Variants in ASPM observed in about 807,000 individuals in gnomAD.
ASPM encodes assembly factor for spindle microtubules.
Under a neutral mutation model 366.4 loss-of-function variants are expected in ASPM, and 256 were observed. The ratio of observed to expected loss-of-function variants is 0.70; its 90% CI spans 0.63 to 0.77. The LOEUF (loss-of-function observed/expected upper bound fraction) is 0.77, where lower values mean the gene tolerates loss of function less well. Ranked by LOEUF, ASPM falls within the 30% of genes least tolerant of loss-of-function variation. ASPM has a pLI of 0.00. For synonymous variants in ASPM, 1,414 were observed against 1,342.9 expected (o/e 1.05, Z -1.16); for missense variants, 4,146 against 4,090.4 (o/e 1.01, Z -0.37).
chr1:197,144,104 T>C lies in ASPM; in HGVS notation c.298-4A>G. ...AAATAACAATTTTCTCTTTAGGCTA[T>C]AATCAAAACAATACATTATATAATT... On this transcript the variant is annotated splice_region_variant and splice_polypyrimidine_tract_variant and intron_variant, in intron 1 of 27. Coordinates refer to ENST00000367409, the MANE Select transcript of ASPM (RefSeq NM_018136.5). 2.5e-6 allele frequency: 4 copies of C among 1,585,634 alleles called. No individual in the cohort carries two copies. The highest frequency in any genetic ancestry group is 3.5e-6 in the Non-Finnish European group (4 of 1,154,746).
At chr1:197,092,619 T>G (rs1656819807) in intron 21 of ASPM, among the ~76,000 whole-genome samples, 1 of 151,938 alleles carries the variant, frequency 6.6e-6, no homozygotes, top group Non-Finnish European at 1.5e-5. Flanking sequence ...ATTGTAAGCT[T>G]GAATATCATG....
chr1:197,089,760 G>A (rs1266789974), intron 25 of ASPM, among the ~76,000 whole-genome samples, 170 bp downstream of exon 25: 2 of 151,636 alleles, frequency 1.3e-5, no homozygotes, highest in African/African-American at 2.4e-5. Context: ...TATAAAAATT[G>A]GTACTTAAAT....
intron 26 of ASPM, among the ~76,000 whole-genome samples, chr1:197,087,917 C>T (rs1419260150): frequency 2.0e-5 from 3 of 152,100 alleles, no homozygotes; most frequent in Admixed American, 2.0e-4. Context: ...GAGGTCTCAT[C>T]GTAGAAAAGC....
In ASPM at chr1:197,144,113, C is replaced by T. The variant is rs1265407616; in HGVS notation, c.298-13G>A. On this transcript the variant is annotated splice_polypyrimidine_tract_variant and intron_variant, in intron 1 of 27. Coordinates refer to ENST00000367409, the MANE Select transcript of ASPM (RefSeq NM_018136.5). ...TTTTCTCTTTAGGCTATAATCAAAA[C>T]AATACATTATATAATTACAATAGTA... 6.4e-7 allele frequency: 1 copy of T among 1,555,554 alleles called. No homozygotes were observed. Among genetic ancestry groups the T allele is most frequent in the South Asian group, 1.1e-5 (1 of 89,588 alleles).
At position 197,090,402 on chromosome 1, in the gene ASPM, AAC is replaced by A; in HGVS notation, c.9637-16_9637-15del. ...TCTCCATAATGCCTTAAAGAGATAA[AAC>A]AGAGTAATTTTAAGATTATAGCCAA... is the stretch of plus-strand genomic sequence containing the variant. On this transcript the variant is annotated splice_polypyrimidine_tract_variant and intron_variant, in intron 23 of 27. Transcript: ENST00000367409. 1 of 1,576,410 alleles carries A rather than the reference AAC, an allele frequency of 6.3e-7. No individual in the cohort carries two copies. The highest frequency in any genetic ancestry group is 8.7e-7 in the Non-Finnish European group (1 of 1,152,392).
rs745706821 is a variant in ASPM at position 197,090,373 on chromosome 1, A to G, written c.9652T>C (p.Tyr3218His). Residue 3218 changes from tyrosine (Y) to histidine (H), a missense_variant, in exon 24 of 28, where the codon TAT becomes CAT. Physicochemically the swap from Tyr to His is moderately conservative, Grantham distance 83. Transcript: ENST00000367409. ...CAATCATTTTTCTTCCTCCAAGAAT[A>G]GCCTCTCCATAATGCCTTAAAGAGA... is the stretch of plus-strand genomic sequence containing the variant. ...IIKIQALWRGYSWRKKNDCTK... is the reference protein window; with the variant it reads ...IIKIQALWRGHSWRKKNDCTK... 7 of 1,609,556 alleles carry G rather than the reference A, an allele frequency of 4.3e-6. No individual in the cohort carries two copies. In the Admixed American group the frequency reaches 1.0e-4, roughly 23 times the overall value.
Position 197,090,091 on chromosome 1 carries a change from G to GAA in ASPM, c.9830-9_9830-8dup. The GAA allele has an allele frequency of 6.7e-7, 1 of 1,489,896 alleles. No homozygotes were observed. The allele number at this position is 1,489,896 out of a possible 1,614,324, so 92.3% of individuals were successfully genotyped here. ...GACAATCTAGTAACTACCTCTGAAA[G>GAA]AAAAAAAAAACACACACACACAGGT... On this transcript the variant is annotated splice_polypyrimidine_tract_variant and splice_region_variant and intron_variant, in intron 24 of 27. Transcript: ENST00000367409.
In ASPM at chr1:197,104,707, A is replaced by G. The variant is rs753862007; in HGVS notation, c.4544T>C (p.Leu1515Pro). The part of the protein sequence containing the change: ...KLYKRRKESI[L>P]TIQKYYKAYL... ...TGCTTTGTAGTACTTCTGGATGGTT[A>G]GTATGGACTCTTTTCTTCTTTTATA... The change falls in exon 18 of 28, where the codon CTA (leucine) becomes CCA (proline). Residue 1515 changes from leucine to proline, a missense_variant. Leu to Pro is a moderately conservative substitution (Grantham distance 98). Coordinates refer to ENST00000367409, the MANE Select transcript of ASPM (RefSeq NM_018136.5). 4.3e-6 allele frequency: 7 copies of G among 1,612,416 alleles called. No homozygotes were observed. The Admixed American group carries it at 1.0e-4, about 23-fold the overall frequency.
chr1:197,143,187 T>C lies in ASPM; in HGVS notation c.1065A>G (p.Ser355=). The C allele has an allele frequency of 6.2e-7, 1 of 1,613,562 alleles. No individual in the cohort carries two copies. The highest frequency in any genetic ancestry group is 1.1e-5 in the South Asian group (1 of 91,034). The part of the protein sequence containing the change: ...KDNSQPVHLE[S]TIAHEIYQKI... The stretch of plus-strand genomic sequence containing the variant: ...TCTGATAAATTTCATGTGCAATTGT[T>C]GATTCCAAATGCACAGGCTGTGAAT... The change falls in exon 3 of 28, where the codon TCA becomes TCG. Residue 355 remains serine, a synonymous_variant. Transcript: ENST00000367409.
chr1:197,124,948 T>C lies in ASPM; in HGVS notation c.3090A>G (p.Thr1030=), dbSNP rs144559326. 90 of 1,611,090 alleles carry C rather than the reference T, an allele frequency of 5.6e-5. No individual in the cohort carries two copies. The African/African-American group carries it at 6.4e-4, about 11-fold the overall frequency. ...GIELSDEHGN[T]ILSKDIVDRH... ...TATCCACAATATCCTTAGATAGAAT[T>C]GTATTTCCTATAAAAGAAAAGGTTG... The change falls in exon 12 of 28, where the codon ACA becomes ACG. Residue 1030 remains threonine (T), a synonymous_variant. Coordinates refer to ENST00000367409, the MANE Select transcript of ASPM (RefSeq NM_018136.5).
intron 27 of ASPM, among the ~76,000 whole-genome samples, chr1:197,084,631 G>A (rs984628911): frequency 1.3e-5 from 2 of 151,922 alleles, no homozygotes; most frequent in African/African-American, 4.8e-5. Flanking sequence ...AAATAATGCT[G>A]GCTTCTTTGA....
At chr1:197,113,003 A>T (rs1657633582) in intron 17 of ASPM, among the ~76,000 whole-genome samples, 1 of 152,202 alleles carries the variant, frequency 6.6e-6, no homozygotes, top group African/African-American at 2.4e-5. Context: ...AAAAAAGGAA[A>T]TGTAGCACAT....
chr1:197,101,393 G>GT lies in ASPM; in HGVS notation c.7857dup (p.Gln2620ThrfsTer17), dbSNP rs797045316. ...GCAGCCTGGTGCTGTTCCTGAATCT[G>GT]TTTTTTTATGTTCATGTCCTGAAAA... On this transcript the variant is annotated frameshift_variant, in exon 18 of 28. Coordinates refer to ENST00000367409, the MANE Select transcript of ASPM (RefSeq NM_018136.5). LOFTEE classifies it high-confidence loss of function. The GT allele has an allele frequency of 5.0e-6, 8 of 1,608,116 alleles. No individual in the cohort carries two copies. Among genetic ancestry groups the GT allele is most frequent in the South Asian group, 1.1e-5 (1 of 91,004 alleles).
chr1:197,124,277 G>C lies in ASPM; in HGVS notation c.3223C>G (p.His1075Asp), dbSNP rs763084553. The C allele has an allele frequency of 6.2e-7, 1 of 1,604,530 alleles. No homozygotes were observed. Among genetic ancestry groups the C allele is most frequent in the Admixed American group, 1.7e-5 (1 of 59,850 alleles). Reference sequence around the variant, plus strand: ...ATTGTTTTCTTTATACTCTTTGTGTGTTTTAGAAAGGCAATTTCTTCCTTT... The same window carrying C: ...ATTGTTTTCTTTATACTCTTTGTGTCTTTTAGAAAGGCAATTTCTTCCTTT... ...QLKEEIAFLK[H>D]TKSIKKTISL... The change falls in exon 13 of 28, where the codon CAC becomes GAC. Residue 1075 changes from histidine (H) to aspartate (D), a missense_variant. Physicochemically the swap from His to Asp is moderately conservative, Grantham distance 81 (BLOSUM62 -1). This residue lies in a region of ASPM where 3,624 missense variants were observed against 3,591.7 expected (regional missense o/e 1.01). Coordinates refer to ENST00000367409, the MANE Select transcript of ASPM (RefSeq NM_018136.5).
rs765798033 is a variant in ASPM at position 197,128,665 on chromosome 1, C to G, written c.2761G>C (p.Ala921Pro). 6.2e-7 allele frequency: 1 copy of G among 1,605,888 alleles called. No individual in the cohort carries two copies. The change falls in exon 10 of 28, where the codon GCT becomes CCT. Residue 921 changes from alanine to proline, a missense_variant and splice_region_variant. By Grantham distance (27) the Ala-to-Pro change is conservative. This residue lies in a region of ASPM where 3,624 missense variants were observed against 3,591.7 expected (regional missense o/e 1.01). Coordinates refer to ENST00000367409, the MANE Select transcript of ASPM (RefSeq NM_018136.5). ...CLFCKDAEFK[A>P]SKEILLAFSR... Reference sequence around the variant, plus strand: ...AAAGCCAAAAGGATTTCTTTACTAGCCTATAAAGAAATAAGTTCCAGATAT... The same window carrying G: ...AAAGCCAAAAGGATTTCTTTACTAGGCTATAAAGAAATAAGTTCCAGATAT...
At chr1:197,088,730 C>T (rs1278093277) in intron 25 of ASPM, among the ~76,000 whole-genome samples, 2 of 151,824 alleles carry the variant, frequency 1.3e-5, no homozygotes, top group Non-Finnish European at 2.9e-5. Flanking sequence ...TAAAAGCAAA[C>T]TTTTAAAGAT....
chr1:197,104,966 A>T lies in ASPM; in HGVS notation c.4285T>A (p.Ser1429Thr). The change falls in exon 18 of 28, where the codon TCT becomes ACT. Residue 1429 changes from serine to threonine, a missense_variant. Ser to Thr is a moderately conservative substitution (Grantham distance 58, BLOSUM62 1). Coordinates refer to ENST00000367409, the MANE Select transcript of ASPM (RefSeq NM_018136.5). The stretch of plus-strand genomic sequence containing the variant: ...CGTTGCTTCCATTTTCTGAACATAG[A>T]TTGGATTATAAGAGTTGATGATTTT... ...MLKSSTLIIQ[S>T]MFRKWKQRKM... 1.2e-6 allele frequency: 2 copies of T among 1,612,060 alleles called. No individual in the cohort carries two copies. Among genetic ancestry groups the T allele is most frequent in the Non-Finnish European group, 1.7e-6 (2 of 1,179,000 alleles).
intron 10 of ASPM, among the ~76,000 whole-genome samples, chr1:197,127,199 T>C (rs1377785641): frequency 6.6e-6 from 1 of 152,160 alleles, no homozygotes; most frequent in Non-Finnish European, 1.5e-5. Context: ...AACAAAGAAA[T>C]TAAAAAGTAT....
rs370176671 is a variant in ASPM at position 197,103,738 on chromosome 1, T to C, written c.5513A>G (p.Tyr1838Cys). 1.2e-6 allele frequency: 2 copies of C among 1,612,746 alleles called. No homozygotes were observed. The highest frequency in any genetic ancestry group is 2.2e-5 in the East Asian group (1 of 44,834). The change falls in exon 18 of 28, where the codon TAT (tyrosine) becomes TGT (cysteine). Residue 1838 changes from tyrosine to cysteine, a missense_variant. By Grantham distance (194) the Tyr-to-Cys change is radical. This residue lies in a region of ASPM where 3,624 missense variants were observed against 3,591.7 expected (regional missense o/e 1.01). Transcript: ENST00000367409. Reference protein sequence around the residue: ...ALKIQSAFRGYNKRVKYQSVL... With the variant: ...ALKIQSAFRGCNKRVKYQSVL... ...AGATTGATATTTTACCCTTTTATTATAGCCTCTAAAAGCAGACTGAATTTT... is the reference window on the plus strand; with the variant it reads ...AGATTGATATTTTACCCTTTTATTACAGCCTCTAAAAGCAGACTGAATTTT...
Sources: allele counts gnomAD v4.1 joint callset (sites outside exome capture counted in the v4.1 genomes callset), GRCh38; gene constraint gnomAD v4.1.1; regional missense constraint gnomAD v4.1.1; transcripts MANE v1.5; gene names NCBI Gene and HGNC (gene_info 2026-07-23, HGNC 2026-07-21).